The following GALNTL6 variants were observed in gnomAD, a reference collection of about 807,000 sequenced individuals.
GALNTL6 encodes the protein polypeptide N-acetylgalactosaminyltransferase like 6, also known as polypeptide N-acetylgalactosaminyltransferase-like 6.
In GALNTL6, 46 loss-of-function variants were observed where a neutral mutation model predicts 73.7. The observed-to-expected ratio is 0.62, with a 90% CI of 0.49 to 0.80. GALNTL6 has a LOEUF of 0.80. GALNTL6 is among the 30% of genes least tolerant of loss of function. GALNTL6 has a pLI of 0.00. For synonymous variants in GALNTL6, 259 were observed against 263.7 expected (o/e 0.98, Z 0.17); for missense variants, 604 against 755.0 (o/e 0.80, Z 2.34).
intron 7 of GALNTL6, among the ~76,000 whole-genome samples, chr4:172,853,032 A>G (rs1302260808): frequency 6.6e-6 from 1 of 152,230 alleles, no homozygotes; most frequent in Admixed American, 6.5e-5. Flanking sequence ...TCACAAAATT[A>G]ACGACTTAAA....
chr4:172,628,549 G>C (rs185991188), intron 5 of GALNTL6, among the ~76,000 whole-genome samples: 9 of 152,086 alleles, frequency 5.9e-5, no homozygotes, highest in Admixed American at 2.0e-4. Context: ...CTATTCTCTT[G>C]GAAACATAAT....
At chr4:171,986,084 A>G (rs897043340) in intron 2 of GALNTL6, among the ~76,000 whole-genome samples, 6 of 147,794 alleles carry the variant, frequency 4.1e-5, no homozygotes, top group African/African-American at 1.5e-4. Flanking sequence ...GAAAATTGGT[A>G]TCTTTGGCAC....
chr4:171,939,842 T>C (rs535590929), intron 2 of GALNTL6, among the ~76,000 whole-genome samples: 8 of 152,148 alleles, frequency 5.3e-5, no homozygotes, highest in African/African-American at 1.9e-4. Flanking sequence ...AAAATCTAAA[T>C]GGGATACAAG....
Position 172,409,115 on chromosome 4 carries a change from A to G in GALNTL6, c.553+60426A>G, listed in dbSNP as rs115350422. Reference sequence around the variant, plus strand: ...AAAGAAAATATTTGTAACATCTGCTATAACTAGCTTTAAAATAGGTGATTA... The same window carrying G: ...AAAGAAAATATTTGTAACATCTGCTGTAACTAGCTTTAAAATAGGTGATTA... On this transcript the variant is annotated intron_variant, in intron 5 of 12. Transcript: ENST00000506823. 4.0e-3 allele frequency among the ~76,000 whole-genome samples: 609 copies of G among 152,230 alleles called. 4 individuals carry two copies. Among genetic ancestry groups the G allele is most frequent in the African/African-American group, 0.014 (564 of 41,576 alleles).
chr4:172,881,099 G>C (rs1289940238), intron 7 of GALNTL6, among the ~76,000 whole-genome samples: 1 of 152,136 alleles, frequency 6.6e-6, no homozygotes, highest in Non-Finnish European at 1.5e-5. Context: ...TTGCAGTTCA[G>C]ATTAAATAAG....
At chr4:171,936,626 AG>A (rs1449304081) in intron 2 of GALNTL6, among the ~76,000 whole-genome samples, 6 of 152,174 alleles carry the variant, frequency 3.9e-5, no homozygotes, top group Middle Eastern at 3.2e-3. Flanking sequence ...TTCCCATAAA[AG>A]GGCTATTATA....
rs569005319 is a variant in GALNTL6 at position 172,852,782 on chromosome 4, A to G, written c.924-30008A>G. On this transcript the variant is annotated intron_variant, in intron 7 of 12. Transcript: ENST00000506823. ...TAATGGAGTTATAGGAACTAATACC[A>G]TGTTGCTGATAAAGAAACCGGATCA... 4.4e-4 allele frequency among the ~76,000 whole-genome samples: 67 copies of G among 152,268 alleles called. 1 individual carries two copies. In the South Asian group the frequency reaches 0.014, roughly 32 times the overall value.
intron 5 of GALNTL6, among the ~76,000 whole-genome samples, chr4:172,645,898 C>T (rs1453800274): frequency 6.6e-6 from 1 of 151,958 alleles, no homozygotes; most frequent in Non-Finnish European, 1.5e-5. Context: ...TTCCCTAAGT[C>T]TCTGAGTCTT....
chr4:172,933,637 G>T (rs1173336509), intron 9 of GALNTL6, among the ~76,000 whole-genome samples: 1 of 151,618 alleles, frequency 6.6e-6, no homozygotes, highest in Admixed American at 6.6e-5. Context: ...ACATTTTATG[G>T]TTTTTTTAAG....
At chr4:172,824,336 A>G (rs1413906862) in intron 7 of GALNTL6, among the ~76,000 whole-genome samples, 4 of 151,416 alleles carry the variant, frequency 2.6e-5, no homozygotes, top group Non-Finnish European at 5.9e-5. Flanking sequence ...AAGGGCTTTC[A>G]GTCAGAACCT....
chr4:172,827,127 G>A (rs1156689429), intron 7 of GALNTL6, among the ~76,000 whole-genome samples: 1 of 152,170 alleles, frequency 6.6e-6, no homozygotes, highest in Non-Finnish European at 1.5e-5. Context: ...GCATGGTAGG[G>A]TCACTCTCCC....
intron 5 of GALNTL6, among the ~76,000 whole-genome samples, chr4:172,473,008 TC>T (rs1355416416): frequency 6.6e-6 from 1 of 152,194 alleles, no homozygotes; most frequent in Non-Finnish European, 1.5e-5. Flanking sequence ...ATGAATAAAT[TC>T]AATTCTTGAT....
At chr4:172,380,379 C>T in intron 5 of GALNTL6, 1 of 672,138 alleles carries the variant, frequency 1.5e-6, no homozygotes, top group East Asian at 3.2e-5. Flanking sequence ...GCAATGACCA[C>T]ATGAAAATAA....
chr4:171,927,943 T>C (rs889378666), intron 2 of GALNTL6, among the ~76,000 whole-genome samples: 2 of 152,184 alleles, frequency 1.3e-5, no homozygotes, highest in African/African-American at 4.8e-5. Context: ...ATCTATTCAT[T>C]ACATATGTTT....
intron 5 of GALNTL6, among the ~76,000 whole-genome samples, chr4:172,554,833 T>A (rs1736086246): frequency 6.6e-6 from 1 of 152,174 alleles, no homozygotes. Context: ...TCTGAGTGGT[T>A]CCCAGGTCTT....
chr4:172,297,056 T>C (rs1350934348), intron 3 of GALNTL6, among the ~76,000 whole-genome samples: 5 of 152,232 alleles, frequency 3.3e-5, no homozygotes, highest in African/African-American at 1.2e-4. Context: ...ATCGCCATTC[T>C]GACTGGTGTG....
intron 5 of GALNTL6, among the ~76,000 whole-genome samples, chr4:172,513,718 A>G (rs3104245): frequency 0.98 from 149,598 of 152,254 alleles, 73,544 homozygotes; most frequent in Middle Eastern, 1. Flanking sequence ...GCCTGGCTCT[A>G]GGCTGCTACT....
intron 2 of GALNTL6, among the ~76,000 whole-genome samples, chr4:171,834,258 T>G (rs1377499185): frequency 2.0e-5 from 3 of 151,972 alleles, no homozygotes; most frequent in Non-Finnish European, 4.4e-5. Flanking sequence ...GATAAAATAA[T>G]CTTGCCTAAG....
intron 10 of GALNTL6, among the ~76,000 whole-genome samples, chr4:172,963,031 C>A (rs916977804): frequency 6.6e-6 from 1 of 152,110 alleles, no homozygotes; most frequent in Admixed American, 6.5e-5. Flanking sequence ...AAAGTCCTTA[C>A]CTATAAGATT....
Sources: gnomAD v4.1 joint callset for allele counts (sites outside exome capture counted in the v4.1 genomes callset) on GRCh38, gnomAD v4.1.1 for gene constraint, MANE v1.5 for transcripts, NCBI Gene and HGNC (gene_info 2026-07-23, HGNC 2026-07-21) for gene names.